The following ATG5 variants were observed in gnomAD, a reference collection of about 807,000 sequenced individuals.
ATG5 encodes autophagy protein 5.
ATG5 carries 14 observed loss-of-function variants against 36.5 expected under a neutral mutation model. The ratio of observed to expected loss-of-function variants is 0.38; its 90% CI spans 0.25 to 0.60. The LOEUF is 0.60. Among genes scored for constraint, ATG5 ranks in the 20% least tolerant of loss-of-function variants. The pLI is 0.60. For missense variants in ATG5, 195 were observed against 326.7 expected (o/e 0.60, Z 3.11); for synonymous variants, 95 against 101.5 (o/e 0.94, Z 0.38).
In ATG5 at chr6:106,263,091, C is replaced by G. The variant is rs139050882; in HGVS notation, c.479-14847G>C. ...ACGGAGCCCAGCAAGCTAAGAACCA[C>G]TGGCTTGAAACTCTCACTGCCAGCA... is the stretch of plus-strand genomic sequence containing the variant. On this transcript the variant is annotated intron_variant, in intron 5 of 7. Coordinates refer to ENST00000369076, the MANE Select transcript of ATG5 (RefSeq NM_004849.4). Among the ~76,000 whole-genome samples, 447 of 152,350 alleles carry G rather than the reference C, an allele frequency of 2.9e-3. 2 individuals are homozygous for G. Among genetic ancestry groups the G allele is most frequent in the African/African-American group, 0.01 (418 of 41,588 alleles).
At chr6:106,193,175 T>C (rs1160807336) in intron 7 of ATG5, among the ~76,000 whole-genome samples, 1 of 152,184 alleles carries the variant, frequency 6.6e-6, no homozygotes, top group African/African-American at 2.4e-5. Context: ...TATCCTATGA[T>C]CACAAACAGA....
At position 106,185,801 on chromosome 6, in the gene ATG5, C is replaced by T. The variant is rs1775742260; in HGVS notation, c.*739G>A. 1 of 152,392 alleles carries T rather than the reference C, an allele frequency of 6.6e-6. No homozygotes were observed. The highest frequency in any genetic ancestry group is 2.1e-4 in the South Asian group (1 of 4,832). 9.4% of individuals were successfully genotyped at this position (152,392 alleles called of 1,614,324 possible). The stretch of plus-strand genomic sequence containing the variant: ...ATGACAGCTTCTGAGACAAGTAATC[C>T]TATGCCCTATATCCACCCCATGCCA... On this transcript the variant is annotated 3_prime_UTR_variant, in exon 8 of 8. Transcript: ENST00000369076.
chr6:106,279,332 T>C (rs543852964), intron 5 of ATG5, among the ~76,000 whole-genome samples: 1 of 152,336 alleles, frequency 6.6e-6, no homozygotes, highest in East Asian at 1.9e-4. Flanking sequence ...AATTTTCCAC[T>C]GTGACCACAG....
chr6:106,266,421 G>C (rs1405307665), intron 5 of ATG5, among the ~76,000 whole-genome samples: 2 of 152,164 alleles, frequency 1.3e-5, no homozygotes, highest in African/African-American at 2.4e-5. Flanking sequence ...CAGGTACAAA[G>C]AGGAACTGGT....
At chr6:106,227,745 G>T (rs1377419447) in intron 6 of ATG5, among the ~76,000 whole-genome samples, 1 of 152,224 alleles carries the variant, frequency 6.6e-6, no homozygotes, top group Non-Finnish European at 1.5e-5. Flanking sequence ...AGCCTTGTTT[G>T]ATAACTACAC....
At chr6:106,207,547 G>A (rs75194066) in intron 6 of ATG5, among the ~76,000 whole-genome samples, 1 of 150,720 alleles carries the variant, frequency 6.6e-6, no homozygotes, top group African/African-American at 2.4e-5. Context: ...AAAAAAAAAA[G>A]AAAGAAAGAA....
At chr6:106,294,560 G>A (rs1780454209) in intron 3 of ATG5, among the ~76,000 whole-genome samples, 1 of 151,914 alleles carries the variant, frequency 6.6e-6, no homozygotes, top group Non-Finnish European at 1.5e-5. Flanking sequence ...ACTCAAGCCT[G>A]TAATCCCAAC....
At chr6:106,227,944 T>C (rs1769972) in intron 6 of ATG5, among the ~76,000 whole-genome samples, 13,032 of 152,150 alleles carry the variant, frequency 0.086, 591 homozygotes, top group South Asian at 0.13. Flanking sequence ...CAGCAATGAA[T>C]TGTAAAAAAG....
intron 3 of ATG5, among the ~76,000 whole-genome samples, chr6:106,303,780 T>C (rs780502876): frequency 1.1e-4 from 16 of 152,126 alleles, no homozygotes; most frequent in East Asian, 1.9e-4. Context: ...TCATCTATTA[T>C]AGCAACCAGC....
At chr6:106,255,080 C>T (rs1778747532) in intron 5 of ATG5, among the ~76,000 whole-genome samples, 1 of 152,210 alleles carries the variant, frequency 6.6e-6, no homozygotes, top group African/African-American at 2.4e-5. Context: ...CATTTACCTC[C>T]CATCAATTTC....
intron 7 of ATG5, among the ~76,000 whole-genome samples, chr6:106,186,958 A>C (rs1279424151): frequency 6.6e-6 from 1 of 152,238 alleles, no homozygotes; most frequent in African/African-American, 2.4e-5. Context: ...ACGTTAATGA[A>C]ACTGTAGTGG....
intron 3 of ATG5, among the ~76,000 whole-genome samples, chr6:106,304,828 A>C (rs1770377285): frequency 6.6e-6 from 1 of 152,216 alleles, no homozygotes; most frequent in Admixed American, 6.5e-5. Context: ...ACGGTGGCTC[A>C]CACCTGTAAT....
At chr6:106,248,072 GAGTTCTA>G in intron 6 of ATG5, 71 bp downstream of exon 6, 1 of 1,108,812 alleles carries the variant, frequency 9.0e-7, no homozygotes, top group Non-Finnish European at 1.3e-6. Flanking sequence ...TGCAGACAAA[GAGTTCTA>G]CACTAGAGTG....
intron 5 of ATG5, among the ~76,000 whole-genome samples, chr6:106,276,369 CAGG>C (rs1437891975): frequency 3.3e-5 from 5 of 150,152 alleles, no homozygotes; most frequent in Non-Finnish European, 5.9e-5. Flanking sequence ...GAGGCTGAGG[CAGG>C]AGAATGGCGT....
intron 5 of ATG5, among the ~76,000 whole-genome samples, chr6:106,265,574 G>A (rs371926984): frequency 5.3e-5 from 8 of 152,108 alleles, no homozygotes; most frequent in African/African-American, 1.9e-4. Flanking sequence ...CACATAGCAT[G>A]TGTATTCTAA....
At chr6:106,237,907 C>T (rs1777961428) in intron 6 of ATG5, among the ~76,000 whole-genome samples, 1 of 152,154 alleles carries the variant, frequency 6.6e-6, no homozygotes, top group African/African-American at 2.4e-5. Context: ...AGCTTCTCTA[C>T]ATTTACTAAA....
intron 7 of ATG5, among the ~76,000 whole-genome samples, chr6:106,187,194 CA>C (rs1216075840): frequency 6.6e-6 from 1 of 152,060 alleles, no homozygotes; most frequent in Admixed American, 6.6e-5. Context: ...AAGTATGTAT[CA>C]AAATGTCTTA....
intron 5 of ATG5, among the ~76,000 whole-genome samples, chr6:106,259,762 C>A (rs1279198620): frequency 6.6e-6 from 1 of 152,018 alleles, no homozygotes; most frequent in South Asian, 2.1e-4. Context: ...GGTTAAAATA[C>A]CTGTGGGACA....
chr6:106,325,641 G>A lies in ATG5; in HGVS notation c.-174C>T, dbSNP rs1478489392. 1.3e-5 allele frequency: 2 copies of A among 152,872 alleles called. No individual in the cohort carries two copies. The highest frequency in any genetic ancestry group is 2.4e-5 in the African/African-American group (1 of 41,462). The allele number at this position is 152,872 out of a possible 1,614,324, so 9.5% of individuals were successfully genotyped here. ...CCCGCCTGACACACTGTCCTGCGGG[G>A]ACGCGGTAGCAGGACTCCAGGAAGC... is the stretch of plus-strand genomic sequence containing the variant. On this transcript the variant is annotated 5_prime_UTR_variant, in exon 1 of 8. Coordinates refer to ENST00000369076, the MANE Select transcript of ATG5 (RefSeq NM_004849.4).
Sources: gnomAD v4.1 joint callset for allele counts (sites outside exome capture counted in the v4.1 genomes callset) on GRCh38, gnomAD v4.1.1 for gene constraint, MANE v1.5 for transcripts, NCBI Gene and HGNC (gene_info 2026-07-23, HGNC 2026-07-21) for gene names.